Variants in PLCH2 observed in about 807,000 individuals in gnomAD.
PLCH2 encodes the protein 1-phosphatidylinositol 4,5-bisphosphate phosphodiesterase eta-2.
In PLCH2, 98 loss-of-function variants were observed where a neutral mutation model predicts 134.7. That is an observed-to-expected ratio of 0.73 (90% CI 0.62 to 0.86). The LOEUF (loss-of-function observed/expected upper bound fraction) is 0.86. PLCH2 is among the 40% of genes least tolerant of loss of function. The pLI, the probability that PLCH2 is intolerant of heterozygous loss-of-function variation, is 0.00. For synonymous variants in PLCH2, 974 were observed against 827.5 expected (o/e 1.18, Z -3.04); for missense variants, 1,994 against 1,986.6 (o/e 1.00, Z -0.07).
chr1:2,419,204 T>C, the PLCH2 span, among the ~76,000 whole-genome samples: 1 of 152,184 alleles, frequency 6.6e-6, no homozygotes, highest in Non-Finnish European at 1.5e-5. Flanking sequence ...CCTCCCAGGC[T>C]GCCGGCCTGG....
At chr1:2,473,809 T>C (rs1641464878), upstream of PLCH2, among the ~76,000 whole-genome samples, 2 of 152,172 alleles carry the variant, frequency 1.3e-5, no homozygotes, top group Admixed American at 1.3e-4. Flanking sequence ...GGCCCTCCTC[T>C]CCCCGACGGA....
intron 2 of PLCH2, among the ~76,000 whole-genome samples, chr1:2,459,321 C>T (rs868363223): frequency 6.6e-6 from 1 of 151,894 alleles, no homozygotes; most frequent in Non-Finnish European, 1.5e-5. Flanking sequence ...TCCTGGTGGT[C>T]CTCCTTCCTG....
upstream of PLCH2, among the ~76,000 whole-genome samples, chr1:2,464,086 G>A (rs201951585): frequency 2.0e-5 from 3 of 152,258 alleles, no homozygotes; most frequent in African/African-American, 4.8e-5. Flanking sequence ...AGCTGGTTGC[G>A]GGTGTGACCA....
chr1:2,497,633 C>T (rs1028679761), intron 16 of PLCH2, 24 bp downstream of exon 16: 1 of 1,479,116 alleles, frequency 6.8e-7, no homozygotes, highest in East Asian at 2.5e-5. Flanking sequence ...ACACTCAGGG[C>T]TCGGACGCTC....
intron 2 of PLCH2, among the ~76,000 whole-genome samples, chr1:2,453,165 C>T (rs1385290079): frequency 2.6e-5 from 4 of 152,198 alleles, no homozygotes; most frequent in Non-Finnish European, 5.9e-5. Flanking sequence ...CCCCGATCTT[C>T]CAGTGGGGCA....
intron 1 of PLCH2, among the ~76,000 whole-genome samples, chr1:2,428,973 T>C (rs1397990570): frequency 6.6e-6 from 1 of 151,912 alleles, no homozygotes; most frequent in East Asian, 1.9e-4. Flanking sequence ...CCCAATGCCC[T>C]CTCCCTGCCA....
chr1:2,470,640 C>T (rs576285433), intron 1 of PLCH2, among the ~76,000 whole-genome samples: 9 of 152,300 alleles, frequency 5.9e-5, no homozygotes, highest in East Asian at 5.8e-4. Context: ...TGCCTGGCAG[C>T]GGCCCAGCTG....
chr1:2,480,034 C>G (rs746310547), intron 3 of PLCH2, 57 bp downstream of exon 3: 6 of 1,585,044 alleles, frequency 3.8e-6, no homozygotes, highest in Non-Finnish European at 5.2e-6. Context: ...CTTGGCTGCT[C>G]ACCCTGGGGG....
At chr1:2,419,465 C>T in the PLCH2 span, among the ~76,000 whole-genome samples, 3 of 152,106 alleles carry the variant, frequency 2.0e-5, no homozygotes, top group Admixed American at 1.3e-4. Flanking sequence ...CTCTGAGGCC[C>T]GGGCCTCGGC....
At chr1:2,471,919 T>C (rs923984057), upstream of PLCH2, among the ~76,000 whole-genome samples, 8 of 152,180 alleles carry the variant, frequency 5.3e-5, no homozygotes, top group Admixed American at 2.6e-4. Flanking sequence ...TGCTGAGAGC[T>C]GGAGTGGCTG....
the PLCH2 span, among the ~76,000 whole-genome samples, chr1:2,418,107 G>A: frequency 2.0e-5 from 3 of 152,224 alleles, no homozygotes; most frequent in Non-Finnish European, 2.9e-5. Flanking sequence ...CAGTGAAGAC[G>A]TGTGACCGGT....
chr1:2,469,071 C>T (rs1474455203), intron 1 of PLCH2, among the ~76,000 whole-genome samples: 1 of 152,202 alleles, frequency 6.6e-6, no homozygotes, highest in Non-Finnish European at 1.5e-5. Flanking sequence ...ATTCAGGTCA[C>T]TCCAGGTGCA....
chr1:2,489,503 C>A, intron 9 of PLCH2, 125 bp downstream of exon 9: 1 of 1,017,474 alleles, frequency 9.8e-7, no homozygotes, highest in Non-Finnish European at 1.4e-6. Flanking sequence ...TGAGGGCTGG[C>A]CACGCTCCTG....
chr1:2,478,468 G>A lies in PLCH2; in HGVS notation c.125-8G>A, dbSNP rs369014741. 49 of 1,612,412 alleles carry A rather than the reference G, an allele frequency of 3.0e-5. No homozygotes were observed. The highest frequency in any genetic ancestry group is 1.1e-4 in the South Asian group (10 of 91,086). On this transcript the variant is annotated splice_polypyrimidine_tract_variant and splice_region_variant and intron_variant, in intron 1 of 21. Transcript: ENST00000378486. Reference sequence around the variant, plus strand: ...CTCCGCTGACAGCCGTGTCTCTCCCGTGTCCAGTGGAGCGGTGCATGGGTG... The same window carrying A: ...CTCCGCTGACAGCCGTGTCTCTCCCATGTCCAGTGGAGCGGTGCATGGGTG...
At chr1:2,494,581 T>C (rs1277009115) in intron 11 of PLCH2, 5 of 563,240 alleles carry the variant, frequency 8.9e-6, no homozygotes, top group African/African-American at 1.9e-5. Flanking sequence ...TGAGAGACGC[T>C]GAGGCAGGTG....
chr1:2,480,232 C>T lies in PLCH2; in HGVS notation c.565C>T (p.Leu189=). Reference sequence around the variant, plus strand: ...GGCCGACAAGAACGGGGATGGCAGCCTGAGCATTGGCGAGGTCCTGCAGCT... The same window carrying T: ...GGCCGACAAGAACGGGGATGGCAGCTTGAGCATTGGCGAGGTCCTGCAGCT... ...DEADKNGDGS[L]SIGEVLQLLH... Residue 189 remains leucine (L), a synonymous_variant, in exon 4 of 22, where the codon CTG becomes TTG. Transcript: ENST00000378486. 6.2e-7 allele frequency: 1 copy of T among 1,612,860 alleles called. No homozygotes were observed. The highest frequency in any genetic ancestry group is 8.5e-7 in the Non-Finnish European group (1 of 1,179,848).
chr1:2,450,675 T>TGCCCCCCGCTCCCC (rs1557959091), intron 2 of PLCH2, among the ~76,000 whole-genome samples: 1 of 20,290 alleles, frequency 4.9e-5, no homozygotes. Flanking sequence ...GCTCCCCGCC[T>TGCCCCCCGCTCCCC]ACCCCCCTCT....
At position 2,503,915 on chromosome 1, in the gene PLCH2, C is replaced by T. The variant is rs1643379618; in HGVS notation, c.2960-7C>T. On this transcript the variant is annotated splice_region_variant and splice_polypyrimidine_tract_variant and intron_variant, in intron 21 of 21. Coordinates refer to ENST00000378486, the MANE Select transcript of PLCH2 (RefSeq NM_014638.4). ...TGGCTCTCTCTCACTCCCCCACCTC[C>T]CCACAGACACCCGCCCCCTCTCCAC... The T allele has an allele frequency of 3.7e-6, 3 of 809,866 alleles. No homozygotes were observed. The highest frequency in any genetic ancestry group is 3.1e-5 in the South Asian group (2 of 64,900). 50.2% of individuals were successfully genotyped at this position (809,866 alleles called of 1,614,324 possible).
In PLCH2 at chr1:2,476,502, C is replaced by T. The variant is rs1257068127; in HGVS notation, c.-87C>T. 4.3e-5 allele frequency: 56 copies of T among 1,312,972 alleles called. No homozygotes were observed. The highest frequency in any genetic ancestry group is 5.5e-5 in the Non-Finnish European group (55 of 993,978). 81.3% of individuals were successfully genotyped at this position (1,312,972 alleles called of 1,614,324 possible). A position where few individuals can be genotyped will look rare whatever the true frequency, so the allele number is the denominator to read the frequency against. ...AGAAGGCCCCACGGAGGTCCTGTCG[C>T]CAGCGCTGCCACTGCCTGACCTCCG... On this transcript the variant is annotated 5_prime_UTR_variant, in exon 1 of 22. Coordinates refer to ENST00000378486, the MANE Select transcript of PLCH2 (RefSeq NM_014638.4).
Sources: gnomAD v4.1 joint callset for allele counts (sites outside exome capture counted in the v4.1 genomes callset) on GRCh38, gnomAD v4.1.1 for gene constraint, MANE v1.5 for transcripts, NCBI Gene and HGNC (gene_info 2026-07-23, HGNC 2026-07-21) for gene names.